The following COPG2 variants were observed in gnomAD, a reference collection of about 807,000 sequenced individuals.
COPG2 encodes coat protein complex I subunit gamma 2, also known as coatomer subunit gamma-2.
In COPG2, 37 loss-of-function variants were observed where a neutral mutation model predicts 46.3. The ratio of observed to expected loss-of-function variants is 0.80; its 90% confidence interval spans 0.61 to 1.05. The LOEUF (loss-of-function observed/expected upper bound fraction) is 1.05. Ranked by LOEUF, COPG2 falls within the 50% of genes least tolerant of loss-of-function variation. The probability of loss-of-function intolerance (pLI) is 0.00; values close to 1 mark genes in which losing one functional copy is unlikely to be tolerated. For missense variants in COPG2, 427 were observed against 387.8 expected (o/e 1.10, Z -0.85); for synonymous variants, 159 against 129.7 (o/e 1.23, Z -1.53).
chr7:130,546,364 G>C (rs981948882), intron 20 of COPG2, among the ~76,000 whole-genome samples: 7 of 152,264 alleles, frequency 4.6e-5, no homozygotes, highest in African/African-American at 1.7e-4. Flanking sequence ...AATCTAACTG[G>C]AGAGAAAAAC....
chr7:130,513,308 A>AAAAT (rs1236511164), intron 20 of COPG2, among the ~76,000 whole-genome samples: 44 of 55,664 alleles, frequency 7.9e-4, no homozygotes, highest in East Asian at 1.8e-3. Flanking sequence ...AAAAAAAAAA[A>AAAAT]ATATATATAT....
At chr7:130,558,206 G>A (rs1484935323) in intron 12 of COPG2, among the ~76,000 whole-genome samples, 2 of 152,018 alleles carry the variant, frequency 1.3e-5, no homozygotes, top group African/African-American at 4.8e-5. Context: ...AATTGTAATC[G>A]CCAGTGTTGG....
At chr7:130,578,496 G>A (rs1794059440) in intron 9 of COPG2, among the ~76,000 whole-genome samples, 1 of 151,860 alleles carries the variant, frequency 6.6e-6, no homozygotes, top group Non-Finnish European at 1.5e-5. Flanking sequence ...AAGCTGGATG[G>A]AGAATGACTT....
rs150884896 is a variant in COPG2, at chr7:130,607,717, T to C, written c.737+3236A>G. The C allele has an allele frequency of 1.9e-5, 10 of 520,110 alleles. No homozygotes were observed. In the East Asian group the frequency reaches 5.4e-4, roughly 28 times the overall value. 32.2% of individuals were successfully genotyped at this position (520,110 alleles called of 1,614,324 possible). A position where few individuals can be genotyped will look rare whatever the true frequency, so the allele number is the denominator to read the frequency against. On this transcript the variant is annotated intron_variant, in intron 9 of 23. Transcript: ENST00000425248. Reference sequence around the variant, plus strand: ...TTTTATGGCTCCCTCTTTTCCAGGTTTTCCACTCTAAGTTTTCAGTTACTC... The same window carrying C: ...TTTTATGGCTCCCTCTTTTCCAGGTCTTCCACTCTAAGTTTTCAGTTACTC...
At chr7:130,604,688 C>G (rs782370796) in intron 9 of COPG2, 7 of 513,462 alleles carry the variant, frequency 1.4e-5, no homozygotes, top group Admixed American at 6.0e-5. Flanking sequence ...ACAAAGTAAG[C>G]CTTCTAGCAA....
chr7:130,622,481 G>T (rs1347832272), intron 5 of COPG2, among the ~76,000 whole-genome samples: 1 of 152,236 alleles, frequency 6.6e-6, no homozygotes, highest in South Asian at 2.1e-4. Flanking sequence ...CTCAAAAGAG[G>T]TGTCCAATAC....
At chr7:130,563,225 A>G in intron 11 of COPG2, 44 bp downstream of exon 11, 1 of 397,908 alleles carries the variant, frequency 2.5e-6, no homozygotes, top group East Asian at 3.6e-5. Flanking sequence ...ATGTTTCTCA[A>G]TTAAATACTG....
chr7:130,520,624 C>T (rs1197430896), intron 20 of COPG2, among the ~76,000 whole-genome samples: 4 of 152,098 alleles, frequency 2.6e-5, no homozygotes, highest in South Asian at 2.1e-4. Flanking sequence ...ATATTTTTGC[C>T]GTGGTTCTTG....
chr7:130,615,463 G>A (rs1303313568), intron 6 of COPG2, among the ~76,000 whole-genome samples: 2 of 152,174 alleles, frequency 1.3e-5, no homozygotes, highest in African/African-American at 4.8e-5. Flanking sequence ...TGCTAAAGGG[G>A]AAGTTTAAGA....
At chr7:130,527,966 G>A (rs1269613229) in intron 20 of COPG2, among the ~76,000 whole-genome samples, 11 of 152,120 alleles carry the variant, frequency 7.2e-5, no homozygotes, top group African/African-American at 1.2e-4. Flanking sequence ...TGGGCTGTGC[G>A]GGTGAGAGCA....
chr7:130,607,372 T>C (rs1054992163), intron 9 of COPG2: 10 of 399,148 alleles, frequency 2.5e-5, no homozygotes, highest in South Asian at 5.8e-5. Context: ...TTTCTATTGA[T>C]TGCTTTTTCT....
At chr7:130,546,068 T>C (rs1354984516) in intron 20 of COPG2, among the ~76,000 whole-genome samples, 1 of 152,200 alleles carries the variant, frequency 6.6e-6, no homozygotes, top group Non-Finnish European at 1.5e-5. Context: ...GATTCTTCAA[T>C]GGGTTCAGCA....
intron 20 of COPG2, among the ~76,000 whole-genome samples, chr7:130,543,429 T>C (rs1793375919): frequency 1.3e-5 from 2 of 152,176 alleles, no homozygotes; most frequent in South Asian, 2.1e-4. Flanking sequence ...TCCTTAAAGC[T>C]CCTTGAGGGA....
chr7:130,563,412 A>G (rs925964957), intron 10 of COPG2, 76 bp from the exon 11 acceptor site: 26 of 389,044 alleles, frequency 6.7e-5, no homozygotes, highest in Non-Finnish European at 4.1e-5. Context: ...TCCTGGCTTA[A>G]GAGAACTATA....
At chr7:130,558,253 G>A (rs1372441274) in intron 12 of COPG2, among the ~76,000 whole-genome samples, 2 of 152,084 alleles carry the variant, frequency 1.3e-5, no homozygotes, top group Non-Finnish European at 2.9e-5. Context: ...GATCATGGGG[G>A]CGGATTTCCC....
intron 20 of COPG2, among the ~76,000 whole-genome samples, chr7:130,532,343 G>A (rs934361733): frequency 2.0e-5 from 3 of 152,166 alleles, no homozygotes; most frequent in Non-Finnish European, 2.9e-5. Flanking sequence ...TGGGCTGTGC[G>A]GGTGAGAGCA....
intron 5 of COPG2, among the ~76,000 whole-genome samples, chr7:130,620,458 G>GCC (rs1249759729): frequency 6.6e-6 from 1 of 152,182 alleles, no homozygotes; most frequent in Non-Finnish European, 1.5e-5. Flanking sequence ...GGAGCTGGGT[G>GCC]CCACAGGGAC....
intron 4 of COPG2, among the ~76,000 whole-genome samples, chr7:130,655,455 C>A (rs1345541825): frequency 6.6e-6 from 1 of 152,110 alleles, no homozygotes; most frequent in Non-Finnish European, 1.5e-5. Flanking sequence ...TTTTCGGATT[C>A]TTTCCTTAGC....
chr7:130,541,608 G>A (rs1429057720), intron 20 of COPG2, among the ~76,000 whole-genome samples: 1 of 152,114 alleles, frequency 6.6e-6, no homozygotes, highest in Admixed American at 6.5e-5. Context: ...GAGATTCAGA[G>A]GCAGATGTTC....
Sources: gnomAD v4.1 joint callset for allele counts (sites outside exome capture counted in the v4.1 genomes callset) on GRCh38, gnomAD v4.1.1 for gene constraint, MANE v1.5 for transcripts, NCBI Gene and HGNC (gene_info 2026-07-23, HGNC 2026-07-21) for gene names.